The following ZPBP variants were observed in gnomAD, a reference collection of about 807,000 sequenced individuals.
ZPBP encodes zona pellucida binding protein.
A neutral mutation model predicts 44.8 loss-of-function variants in ZPBP; 26 were observed. The ratio of observed to expected loss-of-function variants is 0.58; its 90% CI spans 0.43 to 0.81. The LOEUF is 0.81. ZPBP is among the 30% of genes least tolerant of loss of function. The probability of loss-of-function intolerance (pLI) is 0.00; values close to 1 mark genes in which losing one functional copy is unlikely to be tolerated. For missense variants in ZPBP, 409 were observed against 434.0 expected (o/e 0.94, Z 0.51); for synonymous variants, 174 against 153.2 (o/e 1.14, Z -1.00).
chr7:49,975,520 T>A (rs1438449190), intron 7 of ZPBP, among the ~76,000 whole-genome samples: 1 of 152,210 alleles, frequency 6.6e-6, no homozygotes, highest in Non-Finnish European at 1.5e-5. Flanking sequence ...AATTTTCCAC[T>A]GGACCTCATC....
At chr7:49,844,894 G>T in the ZPBP span, among the ~76,000 whole-genome samples, 1 of 152,034 alleles carries the variant, frequency 6.6e-6, no homozygotes, top group African/African-American at 2.4e-5. Flanking sequence ...TGTTGGCCAG[G>T]CTAGTCTTGA....
At chr7:50,049,198 C>A (rs1203438798) in intron 4 of ZPBP, among the ~76,000 whole-genome samples, 2 of 151,962 alleles carry the variant, frequency 1.3e-5, no homozygotes, top group Non-Finnish European at 2.9e-5. Flanking sequence ...TGAAAAACAA[C>A]ACAAGCCCAA....
At chr7:49,989,311 C>A (rs530408367) in intron 6 of ZPBP, among the ~76,000 whole-genome samples, 1 of 152,192 alleles carries the variant, frequency 6.6e-6, no homozygotes, top group South Asian at 2.1e-4. Flanking sequence ...CTAACAGGCC[C>A]GGGAACCCCA....
intron 1 of ZPBP, among the ~76,000 whole-genome samples, chr7:49,905,388 T>C (rs1332219975): frequency 6.6e-6 from 1 of 152,204 alleles, no homozygotes; most frequent in Admixed American, 6.5e-5. Context: ...AGTACAATAG[T>C]TCCTCAGAGT....
chr7:49,957,244 C>T (rs1298419337), intron 7 of ZPBP, among the ~76,000 whole-genome samples: 1 of 152,168 alleles, frequency 6.6e-6, no homozygotes, highest in Non-Finnish European at 1.5e-5. Context: ...ATTACAAAGT[C>T]TCAGATATTC....
chr7:49,888,502 A>AT (rs1402692583), intron 2 of ZPBP, among the ~76,000 whole-genome samples: 7 of 152,210 alleles, frequency 4.6e-5, no homozygotes, highest in African/African-American at 1.7e-4. Context: ...GTCACTATGA[A>AT]GGGGTTAAGA....
chr7:49,855,265 G>T (rs1266442766), intron 2 of ZPBP, among the ~76,000 whole-genome samples: 1 of 152,104 alleles, frequency 6.6e-6, no homozygotes, highest in Non-Finnish European at 1.5e-5. Flanking sequence ...GAAAACACTG[G>T]GTCATAGTTT....
intron 4 of ZPBP, among the ~76,000 whole-genome samples, chr7:50,051,388 A>T (rs1013155532): frequency 2.0e-5 from 3 of 152,178 alleles, no homozygotes; most frequent in African/African-American, 7.2e-5. Context: ...TTCCTCAAAG[A>T]TCTACAACCA....
At chr7:49,978,581 T>C (rs1314039785) in intron 7 of ZPBP, among the ~76,000 whole-genome samples, 14 of 152,070 alleles carry the variant, frequency 9.2e-5, no homozygotes. Context: ...TGTCTCAATC[T>C]TGTTTGTTGA....
intron 2 of ZPBP, among the ~76,000 whole-genome samples, chr7:49,872,908 T>C: frequency 1.4e-5 from 1 of 69,108 alleles, no homozygotes. Flanking sequence ...AGAGCAAGAC[T>C]TTGTCTCAAA....
At chr7:49,896,987 C>T (rs1017581111) in intron 2 of ZPBP, among the ~76,000 whole-genome samples, 1 of 150,134 alleles carries the variant, frequency 6.7e-6, no homozygotes, top group Non-Finnish European at 1.5e-5. Flanking sequence ...GCTCCGCTTC[C>T]CGGGTTCACG....
chr7:49,849,245 T>C (rs691084), downstream of ZPBP, among the ~76,000 whole-genome samples: 7,687 of 152,290 alleles, frequency 0.05, 646 homozygotes, highest in African/African-American at 0.17. Context: ...AATGCTTTTG[T>C]CTTTTATGAA....
downstream of ZPBP, among the ~76,000 whole-genome samples, chr7:49,936,601 G>A (rs945016054): frequency 9.2e-5 from 14 of 152,190 alleles, no homozygotes; most frequent in Non-Finnish European, 1.3e-4. Context: ...ATGCTGGAGA[G>A]AGAAAGCTGA....
intron 1 of ZPBP, among the ~76,000 whole-genome samples, chr7:49,901,711 C>T (rs1372703716): frequency 6.6e-6 from 1 of 151,720 alleles, no homozygotes; most frequent in Non-Finnish European, 1.5e-5. Context: ...TCTGGAGGGG[C>T]AAAAGACCTA....
intron 6 of ZPBP, among the ~76,000 whole-genome samples, chr7:49,995,290 A>G (rs1797771474): frequency 6.6e-6 from 1 of 152,208 alleles, no homozygotes; most frequent in Non-Finnish European, 1.5e-5. Flanking sequence ...TATTCTTCTG[A>G]GGCAGGACAC....
chr7:49,866,535 C>T (rs987863139), intron 2 of ZPBP, among the ~76,000 whole-genome samples: 1 of 152,168 alleles, frequency 6.6e-6, no homozygotes, highest in African/African-American at 2.4e-5. Flanking sequence ...GTCACACGGG[C>T]AAGCCCTGAA....
intron 5 of ZPBP, among the ~76,000 whole-genome samples, chr7:50,026,360 C>T (rs1047829917): frequency 1.3e-5 from 2 of 151,734 alleles, no homozygotes; most frequent in Non-Finnish European, 2.9e-5. Context: ...CAATACTGCA[C>T]CTTCAATATT....
At chr7:50,089,927 T>C (rs546446382) in intron 1 of ZPBP, among the ~76,000 whole-genome samples, 42 of 152,238 alleles carry the variant, frequency 2.8e-4, no homozygotes, top group African/African-American at 1.0e-3. Context: ...TGATTTTTTC[T>C]AAAGCCATTT....
chr7:49,910,374 G>A (rs1170129631), intron 1 of ZPBP, among the ~76,000 whole-genome samples: 7 of 152,050 alleles, frequency 4.6e-5, no homozygotes, highest in African/African-American at 7.3e-5. Context: ...GACTTCACAC[G>A]CTATAATTAA....
Sources: allele counts gnomAD v4.1 joint callset (sites outside exome capture counted in the v4.1 genomes callset), GRCh38; gene constraint gnomAD v4.1.1; transcripts MANE v1.5; gene names NCBI Gene and HGNC (gene_info 2026-07-23, HGNC 2026-07-21).